The following MTUS2 variants were observed in gnomAD, a reference collection of about 807,000 sequenced individuals.
The protein encoded by MTUS2 is microtubule-associated tumor suppressor candidate 2.
Under a neutral mutation model 114.1 loss-of-function variants are expected in MTUS2, and 40 were observed. The observed-to-expected ratio is 0.35, with a 90% CI of 0.27 to 0.46. The LOEUF (loss-of-function observed/expected upper bound fraction) is 0.46. Among genes scored for constraint, MTUS2 ranks in the 20% least tolerant of loss-of-function variants. The pLI, the probability that MTUS2 is intolerant of heterozygous loss-of-function variation, is 1.00. For synonymous variants in MTUS2, 688 were observed against 672.0 expected (o/e 1.02, Z -0.37); for missense variants, 1,679 against 1,705.4 (o/e 0.98, Z 0.27).
chr13:28,871,439 A>C (rs1021206308), intron 2 of MTUS2, among the ~76,000 whole-genome samples: 1 of 152,200 alleles, frequency 6.6e-6, no homozygotes, highest in Non-Finnish European at 1.5e-5. Context: ...AGTAATGAGC[A>C]CTTATTTTAT....
chr13:29,478,669 A>T (rs1593491826), intron 9 of MTUS2, among the ~76,000 whole-genome samples: 1 of 151,926 alleles, frequency 6.6e-6, no homozygotes, highest in African/African-American at 2.4e-5. Flanking sequence ...TTCTCTACCT[A>T]CAGCGCATCT....
In MTUS2 at chr13:29,503,395, G is replaced by A; in HGVS notation, c.*189G>A. 1 of 628,814 alleles carries A rather than the reference G, an allele frequency of 1.6e-6. No homozygotes were observed. The highest frequency in any genetic ancestry group is 2.9e-5 in the Admixed American group (1 of 34,512). The allele number at this position is 628,814 out of a possible 1,614,324, so 39.0% of individuals were successfully genotyped here. The stretch of plus-strand genomic sequence containing the variant: ...TGTCGGCACTTAGGAATGTGTAAAT[G>A]GTAAAGTCTGATGTGCAAACGTTTT... On this transcript the variant is annotated 3_prime_UTR_variant, in exon 16 of 16. Coordinates refer to ENST00000612955, the MANE Select transcript of MTUS2 (RefSeq NM_001033602.4).
intron 5 of MTUS2, among the ~76,000 whole-genome samples, chr13:29,230,363 A>G (rs988812226): frequency 6.6e-6 from 1 of 152,280 alleles, no homozygotes; most frequent in African/African-American, 2.4e-5. Context: ...ACCTTGTGAG[A>G]CTGCTTGGAG....
At chr13:28,951,883 G>A (rs170572) in intron 2 of MTUS2, among the ~76,000 whole-genome samples, 149,424 of 152,272 alleles carry the variant, frequency 0.98, 73,362 homozygotes, top group Non-Finnish European at 1. Flanking sequence ...GACTTGGTAT[G>A]ATATCTGTTA....
At position 29,248,710 on chromosome 13, in the gene MTUS2, G is replaced by A. The variant is rs941467075; in HGVS notation, c.2645-32994G>A. Among the ~76,000 whole-genome samples, 4 of 152,192 alleles carry A rather than the reference G, an allele frequency of 2.6e-5. No individual in the cohort carries two copies. In the South Asian group the frequency reaches 8.3e-4, roughly 32 times the overall value. On this transcript the variant is annotated intron_variant, in intron 5 of 15. Transcript: ENST00000612955. Reference sequence around the variant, plus strand: ...TTCTCATCGTTCATCTCCCACTTATGAGTGAGAACATGTGGTGTTTGGCTT... The same window carrying A: ...TTCTCATCGTTCATCTCCCACTTATAAGTGAGAACATGTGGTGTTTGGCTT...
intron 6 of MTUS2, among the ~76,000 whole-genome samples, chr13:29,298,656 AAAC>A (rs1899055574): frequency 6.6e-6 from 1 of 152,226 alleles, no homozygotes; most frequent in East Asian, 1.9e-4. Context: ...TCTTAGGAAA[AAAC>A]AAAGTAAGAA....
intron 2 of MTUS2, among the ~76,000 whole-genome samples, chr13:28,846,810 TGTCCTAGCTCC>T (rs1875915451): frequency 6.6e-6 from 1 of 152,256 alleles, no homozygotes; most frequent in Non-Finnish European, 1.5e-5. Flanking sequence ...CTCACTAATT[TGTCCTAGCTCC>T]GTCGCGATTT....
chr13:29,113,105 T>C (rs1890946872), intron 5 of MTUS2, among the ~76,000 whole-genome samples: 1 of 152,152 alleles, frequency 6.6e-6, no homozygotes, highest in Non-Finnish European at 1.5e-5. Context: ...TCTCCAATTT[T>C]TTTCCCCATG....
At chr13:28,945,852 T>C (rs1036296968) in intron 2 of MTUS2, among the ~76,000 whole-genome samples, 1 of 152,218 alleles carries the variant, frequency 6.6e-6, no homozygotes, top group Non-Finnish European at 1.5e-5. Context: ...TTTGTTTTTG[T>C]TGTGTTTGCA....
At chr13:29,261,963 T>G (rs763782195) in intron 5 of MTUS2, among the ~76,000 whole-genome samples, 31 of 152,260 alleles carry the variant, frequency 2.0e-4, no homozygotes, top group Non-Finnish European at 2.2e-4. Context: ...GCCTTTGGTC[T>G]TTTAAGTAAC....
chr13:29,268,778 A>G (rs903479425), intron 5 of MTUS2, among the ~76,000 whole-genome samples: 2 of 152,110 alleles, frequency 1.3e-5, no homozygotes, highest in Non-Finnish European at 2.9e-5. Context: ...ATCCCAGGCA[A>G]CAGTCCAGTT....
chr13:29,458,662 C>T (rs745434197), intron 9 of MTUS2, among the ~76,000 whole-genome samples: 3 of 152,180 alleles, frequency 2.0e-5, no homozygotes, highest in Non-Finnish European at 4.4e-5. Context: ...TATGAGCTCA[C>T]CTCTTGGTGA....
intron 5 of MTUS2, among the ~76,000 whole-genome samples, chr13:29,253,933 C>T (rs1897212721): frequency 6.6e-6 from 1 of 152,114 alleles, no homozygotes; most frequent in African/African-American, 2.4e-5. Context: ...AGACTTGCCC[C>T]CATGATGTAA....
At chr13:28,828,691 C>A (rs1874444527) in intron 1 of MTUS2, among the ~76,000 whole-genome samples, 1 of 152,012 alleles carries the variant, frequency 6.6e-6, no homozygotes, top group African/African-American at 2.4e-5. Flanking sequence ...GAGCACTTGC[C>A]TCAGGTACAA....
chr13:29,143,326 A>G (rs1041608436), intron 5 of MTUS2, among the ~76,000 whole-genome samples: 2 of 152,244 alleles, frequency 1.3e-5, no homozygotes, highest in African/African-American at 4.8e-5. Flanking sequence ...TAAGGCAGAC[A>G]AGACAGATCT....
chr13:29,298,008 A>T (rs987455302), intron 6 of MTUS2, among the ~76,000 whole-genome samples: 1 of 152,212 alleles, frequency 6.6e-6, no homozygotes, highest in Non-Finnish European at 1.5e-5. Context: ...TCTGCTGTTC[A>T]TATGTCAAAT....
intron 1 of MTUS2, among the ~76,000 whole-genome samples, chr13:28,827,715 GA>G (rs999258978): frequency 1.3e-5 from 2 of 152,140 alleles, no homozygotes; most frequent in African/African-American, 4.8e-5. Flanking sequence ...GTGTCTGGGG[GA>G]GACATCACAT....
intron 2 of MTUS2, among the ~76,000 whole-genome samples, chr13:28,841,899 A>C (rs576036060): frequency 5.3e-5 from 8 of 152,242 alleles, no homozygotes; most frequent in South Asian, 4.1e-4. Context: ...GTTGGCCAGG[A>C]TGGCCTCGAT....
rs1566172906 is a variant in MTUS2 at position 29,389,412 on chromosome 13, T to TGTGTGTATATATGTATACAC, written c.3117+29945_3117+29946insATATATGTATACACGTGTGT. On this transcript the variant is annotated intron_variant, in intron 8 of 15. Transcript: ENST00000612955. The stretch of plus-strand genomic sequence containing the variant: ...ACGTGTGTGTATATATGTATACACG[T>TGTGTGTATATATGTATACAC]GTGTGTGTATGTATACACGTGTGTG... 1.6e-4 allele frequency among the ~76,000 whole-genome samples: 11 copies of TGTGTGTATATATGTATACAC among 69,152 alleles called. 3 individuals are homozygous for TGTGTGTATATATGTATACAC. Among genetic ancestry groups the TGTGTGTATATATGTATACAC allele is most frequent in the African/African-American group, 6.6e-4 (9 of 13,574 alleles). 45.4% of individuals were successfully genotyped at this position (69,152 alleles called of 152,430 possible).
Sources: allele counts gnomAD v4.1 joint callset (sites outside exome capture counted in the v4.1 genomes callset), GRCh38; gene constraint gnomAD v4.1.1; transcripts MANE v1.5; gene names NCBI Gene and HGNC (gene_info 2026-07-23, HGNC 2026-07-21).